STRN3: variants seen among roughly 807,000 people sequenced by gnomAD.
STRN3 encodes striatin-3.
STRN3 carries 29 observed loss-of-function variants against 95.6 expected under a neutral mutation model. The observed-to-expected ratio is 0.30, with a 90% CI of 0.23 to 0.41. The LOEUF (loss-of-function observed/expected upper bound fraction) is 0.41. Ranked by LOEUF, STRN3 falls within the 10% of genes least tolerant of loss-of-function variation. STRN3 has a pLI of 1.00. For missense variants in STRN3, 890 were observed against 972.1 expected, an observed-to-expected ratio of 0.92 and a Z score of 1.12; for synonymous variants, 331 against 357.6, an observed-to-expected ratio of 0.93 and a Z score of 0.84.
In STRN3 at chr14:30,982,867, G is replaced by A. The variant is rs116609044; in HGVS notation, c.283-26625C>T. 9.5e-3 allele frequency among the ~76,000 whole-genome samples: 1,452 copies of A among 152,110 alleles called. 24 individuals carry two copies. The highest frequency in any genetic ancestry group is 0.033 in the African/African-American group (1,349 of 41,478). On this transcript the variant is annotated intron_variant, in intron 1 of 17. Transcript: ENST00000357479. ...GTTGGGTACTGTGCTTATTGCCTGG[G>A]TGATGAGATCATTGGGACCCCAAGC...
chr14:30,920,354 CCA>C (rs1896849568), intron 8 of STRN3, among the ~76,000 whole-genome samples: 1 of 151,994 alleles, frequency 6.6e-6, no homozygotes, highest in South Asian at 2.1e-4. Context: ...GATTTCCCCC[CCA>C]CAGAGAAATG....
chr14:30,898,277 T>G (rs1442618381), intron 16 of STRN3, among the ~76,000 whole-genome samples: 3 of 152,170 alleles, frequency 2.0e-5, no homozygotes, highest in Non-Finnish European at 4.4e-5. Flanking sequence ...ACACCTAGCC[T>G]TGATGGTAAG....
intron 1 of STRN3, among the ~76,000 whole-genome samples, chr14:31,007,912 G>C (rs1394518505): frequency 6.6e-6 from 1 of 152,084 alleles, no homozygotes; most frequent in African/African-American, 2.4e-5. Flanking sequence ...AAAAAATTGG[G>C]CCTGGCGTGG....
At chr14:30,940,223 T>C (rs963890598) in intron 5 of STRN3, among the ~76,000 whole-genome samples, 4 of 152,150 alleles carry the variant, frequency 2.6e-5, no homozygotes, top group Non-Finnish European at 4.4e-5. Context: ...CCAGGCCCAC[T>C]GCACAACTGT....
At chr14:30,914,289 A>G (rs1343695776) in intron 9 of STRN3, among the ~76,000 whole-genome samples, 1 of 152,192 alleles carries the variant, frequency 6.6e-6, no homozygotes, top group Non-Finnish European at 1.5e-5. Context: ...TTCTTCCACC[A>G]ACAATGTCAG....
intron 1 of STRN3, among the ~76,000 whole-genome samples, chr14:30,984,561 C>T (rs1230714592): frequency 2.0e-5 from 3 of 152,214 alleles, no homozygotes; most frequent in African/African-American, 7.2e-5. Context: ...GCGCAGATCA[C>T]GAGGTCAAGA....
chr14:30,923,739 C>A (rs1313948095), intron 8 of STRN3, among the ~76,000 whole-genome samples: 1 of 152,010 alleles, frequency 6.6e-6, no homozygotes, highest in Non-Finnish European at 1.5e-5. Context: ...AATAACAGCT[C>A]CTATCAAAGG....
Position 30,911,088 on chromosome 14 carries a change from T to TG in STRN3, c.1672dup (p.Gln558ProfsTer14). On this transcript the variant is annotated frameshift_variant, in exon 13 of 18. Coordinates refer to ENST00000357479, the MANE Select transcript of STRN3 (RefSeq NM_001083893.2). LOFTEE classifies it high-confidence loss of function. ...ACTGGGACTCGGCATATTCCACCACTGGATGGTTGCATCAATACCACCACT... is the reference window on the plus strand; with the variant it reads ...ACTGGGACTCGGCATATTCCACCACTGGGATGGTTGCATCAATACCACCACT... 1 of 1,614,118 alleles carries TG rather than the reference T, an allele frequency of 6.2e-7. No individual in the cohort carries two copies.
chr14:30,929,968 A>AAAAAAAAAAAAAAAC (rs1878438058), intron 7 of STRN3, among the ~76,000 whole-genome samples: 6 of 121,928 alleles, frequency 4.9e-5, no homozygotes, highest in African/African-American at 1.1e-4. Context: ...AAAAAAAAAA[A>AAAAAAAAAAAAAAAC]AAAAAAAAAA....
intron 1 of STRN3, among the ~76,000 whole-genome samples, chr14:30,993,076 G>A (rs1230818509): frequency 6.6e-6 from 1 of 152,012 alleles, no homozygotes; most frequent in African/African-American, 2.4e-5. Context: ...ACCAGCCTGG[G>A]CAACATAGTG....
intron 1 of STRN3, among the ~76,000 whole-genome samples, chr14:30,980,504 T>A (rs933797540): frequency 6.6e-6 from 1 of 151,566 alleles, no homozygotes; most frequent in African/African-American, 2.4e-5. Context: ...GCCTCCCGGG[T>A]TCAAGCTGTT....
chr14:30,927,930 CAAAAAAAA>C (rs56216107), intron 8 of STRN3, among the ~76,000 whole-genome samples: 30 of 85,070 alleles, frequency 3.5e-4, no homozygotes, highest in African/African-American at 1.3e-3. Context: ...GAGACTCCGT[CAAAAAAAA>C]AAAAAAAAAA....
intron 9 of STRN3, among the ~76,000 whole-genome samples, chr14:30,914,326 C>T (rs930651948): frequency 1.3e-5 from 2 of 152,078 alleles, no homozygotes; most frequent in Admixed American, 6.5e-5. Flanking sequence ...GGTTAATCCA[C>T]GTGGTCTTCA....
chr14:31,026,266 C>T lies in STRN3; in HGVS notation c.-81G>A, dbSNP rs557037433. ...GCCGGAGAGGGTGGCCCCGCGCTGG[C>T]TGCGGGGCGGAGGCCGGCCGGGAGA... On this transcript the variant is annotated 5_prime_UTR_variant, in exon 1 of 18. Coordinates refer to ENST00000357479, the MANE Select transcript of STRN3 (RefSeq NM_001083893.2). 1,138 of 1,318,062 alleles carry T rather than the reference C, an allele frequency of 8.6e-4. 2 individuals are homozygous for T. The highest frequency in any genetic ancestry group is 1.5e-3 in the Admixed American group (36 of 24,008). The allele number at this position is 1,318,062 out of a possible 1,614,324, so 81.6% of individuals were successfully genotyped here. A position where few individuals can be genotyped will look rare whatever the true frequency, so the allele number is the denominator to read the frequency against.
chr14:30,906,184 C>A (rs905635195), intron 14 of STRN3, among the ~76,000 whole-genome samples: 2 of 152,088 alleles, frequency 1.3e-5, no homozygotes, highest in African/African-American at 4.8e-5. Context: ...GAAACAAATA[C>A]CTAAATGAAT....
At chr14:31,013,887 ATT>A (rs1883102150) in intron 1 of STRN3, among the ~76,000 whole-genome samples, 1 of 100,128 alleles carries the variant, frequency 1.0e-5, no homozygotes, top group Non-Finnish European at 2.3e-5. Flanking sequence ...TATTATTATT[ATT>A]ATTATTATTA....
intron 15 of STRN3, among the ~76,000 whole-genome samples, chr14:30,904,961 TA>T (rs374512182): frequency 0.088 from 11,078 of 125,930 alleles, 604 homozygotes; most frequent in East Asian, 0.22. Context: ...TTTCGTCAAT[TA>T]AAAAAAAAAA....
intron 5 of STRN3, among the ~76,000 whole-genome samples, chr14:30,941,869 G>A (rs1270678567): frequency 6.6e-6 from 1 of 151,672 alleles, no homozygotes; most frequent in African/African-American, 2.4e-5. Flanking sequence ...CAAGTGTTCT[G>A]CCCACCTCAG....
At chr14:30,910,917 G>T in intron 13 of STRN3, 124 bp downstream of exon 13, 2 of 1,061,076 alleles carry the variant, frequency 1.9e-6, no homozygotes, top group Non-Finnish European at 2.6e-6. Flanking sequence ...CAATTTATTA[G>T]CAAATGGAAG....
Sources: allele counts gnomAD v4.1 joint callset (sites outside exome capture counted in the v4.1 genomes callset), GRCh38; gene constraint gnomAD v4.1.1; transcripts MANE v1.5; gene names NCBI Gene and HGNC (gene_info 2026-07-23, HGNC 2026-07-21).